Variants in ARAP2 observed in about 807,000 individuals in gnomAD.
ARAP2 encodes arf-GAP with Rho-GAP domain, ANK repeat and PH domain-containing protein 2.
A neutral mutation model predicts 194.5 loss-of-function variants in ARAP2; 148 were observed. The ratio of observed to expected loss-of-function variants is 0.76; its 90% CI spans 0.67 to 0.87. The LOEUF is 0.87. Ranked by LOEUF, ARAP2 falls within the 40% of genes least tolerant of loss-of-function variation. The probability of loss-of-function intolerance (pLI) is 0.00; values close to 1 mark genes in which losing one functional copy is unlikely to be tolerated. For synonymous variants in ARAP2, 695 were observed against 683.5 expected, an observed-to-expected ratio of 1.02 and a Z score of -0.26; for missense variants, 2,128 against 1,989.7, an observed-to-expected ratio of 1.07 and a Z score of -1.32.
At chr4:36,040,123 C>A (rs1720599160) in intron 5 of ARAP2, among the ~76,000 whole-genome samples, 1 of 152,126 alleles carries the variant, frequency 6.6e-6, no homozygotes, top group Non-Finnish European at 1.5e-5. Flanking sequence ...TTAAAATGGT[C>A]ATTTTTAGCA....
chr4:36,166,235 C>T (rs2109803627), intron 10 of ARAP2, among the ~76,000 whole-genome samples: 1 of 152,160 alleles, frequency 6.6e-6, no homozygotes, highest in Non-Finnish European at 1.5e-5. Flanking sequence ...CTGACTTGCC[C>T]ACTACCACGT....
At chr4:36,221,650 T>C (rs945233083) in intron 2 of ARAP2, among the ~76,000 whole-genome samples, 3 of 152,186 alleles carry the variant, frequency 2.0e-5, no homozygotes, top group African/African-American at 7.2e-5. Flanking sequence ...GATTTCCTCA[T>C]GTAATATCTA....
chr4:36,060,332 C>A (rs1207619462), intron 1 of ARAP2, among the ~76,000 whole-genome samples: 1 of 152,150 alleles, frequency 6.6e-6, no homozygotes. Flanking sequence ...CAGACCCCAA[C>A]AGTCATTTTG....
chr4:36,130,275 C>G (rs1483538849), intron 20 of ARAP2, among the ~76,000 whole-genome samples: 2 of 151,978 alleles, frequency 1.3e-5, no homozygotes. Context: ...GAATGCTGCC[C>G]TCCTGCTGCC....
chr4:36,029,067 T>C (rs1314730308), intron 5 of ARAP2, among the ~76,000 whole-genome samples: 2 of 152,026 alleles, frequency 1.3e-5, no homozygotes, highest in South Asian at 2.1e-4. Flanking sequence ...CTGTATTATA[T>C]GCATGTAAAA....
intron 16 of ARAP2, 33 bp downstream of exon 16, chr4:36,150,867 T>G: frequency 6.3e-7 from 1 of 1,590,476 alleles, no homozygotes. Context: ...TGAAAATACC[T>G]TTTACCTCCT....
chr4:36,176,868 T>TTTTTC (rs1052868352), intron 9 of ARAP2, among the ~76,000 whole-genome samples: 3 of 152,072 alleles, frequency 2.0e-5, no homozygotes, highest in Non-Finnish European at 4.4e-5. Context: ...GATATTCCTA[T>TTTTTC]TTTTCTTATA....
intron 17 of ARAP2, among the ~76,000 whole-genome samples, chr4:36,148,049 A>C (rs1254828426): frequency 6.6e-6 from 1 of 152,072 alleles, no homozygotes; most frequent in Non-Finnish European, 1.5e-5. Flanking sequence ...ATTTTTCTCC[A>C]TTTATATATT....
intron 9 of ARAP2, among the ~76,000 whole-genome samples, chr4:36,174,892 G>A (rs1343136041): frequency 6.6e-6 from 1 of 152,132 alleles, no homozygotes; most frequent in African/African-American, 2.4e-5. Context: ...TTCAACATTT[G>A]CTGTAATAGC....
At chr4:36,214,599 A>T (rs1387647327) in intron 2 of ARAP2, 119 bp from the exon 3 acceptor site, 13 of 595,884 alleles carry the variant, frequency 2.2e-5, no homozygotes, top group Non-Finnish European at 3.1e-5. Context: ...TAAGTGAAGG[A>T]TTTATTAGAG....
chr4:36,218,857 C>T (rs1222375375), intron 2 of ARAP2, among the ~76,000 whole-genome samples: 1 of 152,030 alleles, frequency 6.6e-6, no homozygotes, highest in Non-Finnish European at 1.5e-5. Flanking sequence ...GAATAAATAA[C>T]ACTTAAGAAA....
chr4:36,014,316 A>AAGAGAGAGAG (rs879800341), intron 8 of ARAP2, among the ~76,000 whole-genome samples: 1 of 106,416 alleles, frequency 9.4e-6, no homozygotes, highest in African/African-American at 4.1e-5. Flanking sequence ...GAAGGAAAGA[A>AAGAGAGAGAG]AGAAAGAGAG....
chr4:36,089,252 T>G (rs1712846102), intron 28 of ARAP2, among the ~76,000 whole-genome samples: 1 of 152,168 alleles, frequency 6.6e-6, no homozygotes, highest in Non-Finnish European at 1.5e-5. Flanking sequence ...CAAGTTTCTT[T>G]GGTTTCAAAG....
rs1330845064 is a variant in ARAP2 at position 36,067,537 on chromosome 4, A to G, written c.*370T>C. The G allele has an allele frequency of 6.3e-6, 1 of 157,994 alleles. No homozygotes were observed. The highest frequency in any genetic ancestry group is 6.5e-5 in the Admixed American group (1 of 15,456). 9.8% of individuals were successfully genotyped at this position (157,994 alleles called of 1,614,324 possible). The stretch of plus-strand genomic sequence containing the variant: ...TCAAAGTGCAAAATATGTTACAGAT[A>G]GTTTCTTAGGCTTCATTTAAACACA... On this transcript the variant is annotated 3_prime_UTR_variant, in exon 33 of 33. Transcript: ENST00000303965.
In ARAP2 at chr4:36,158,810, T is replaced by G. The variant is rs145879243; in HGVS notation, c.2672A>C (p.Gln891Pro). 5.6e-4 allele frequency: 910 copies of G among 1,612,174 alleles called. 1 individual carries two copies. Among genetic ancestry groups the G allele is most frequent in the Non-Finnish European group, 6.7e-4 (794 of 1,179,268 alleles). The change falls in exon 15 of 33, where the codon CAG (glutamine) becomes CCG (proline). Residue 891 changes from glutamine (Q) to proline (P), a missense_variant. Physicochemically the swap from Gln to Pro is moderately conservative, Grantham distance 76 (BLOSUM62 -1). Transcript: ENST00000303965. ...SEGVLSQESSQSTFLCDFLYQ... is the reference protein window; with the variant it reads ...SEGVLSQESSPSTFLCDFLYQ... ...TAAAAAGTCACAGAGGAATGTGGACTGGGAAGACTCTTGACTTAATACACC... is the reference window on the plus strand; with the variant it reads ...TAAAAAGTCACAGAGGAATGTGGACGGGGAAGACTCTTGACTTAATACACC...
At chr4:36,154,702 A>G (rs1731823296) in intron 15 of ARAP2, among the ~76,000 whole-genome samples, 1 of 152,126 alleles carries the variant, frequency 6.6e-6, no homozygotes, top group Admixed American at 6.6e-5. Context: ...CTGAACTGAC[A>G]ATTTGAAGCC....
chr4:36,071,385 G>C (rs1031864949), intron 32 of ARAP2, among the ~76,000 whole-genome samples: 1 of 152,108 alleles, frequency 6.6e-6, no homozygotes, highest in African/African-American at 2.4e-5. Flanking sequence ...TCTAGTTTGT[G>C]CATTCTTCAG....
chr4:36,104,864 A>T (rs1717954116), intron 27 of ARAP2, among the ~76,000 whole-genome samples: 2 of 151,962 alleles, frequency 1.3e-5, no homozygotes, highest in South Asian at 4.1e-4. Context: ...CAATTAATGT[A>T]TTTGCTGATG....
At chr4:36,055,856 G>A (rs529598558) in intron 2 of ARAP2, among the ~76,000 whole-genome samples, 2 of 152,128 alleles carry the variant, frequency 1.3e-5, no homozygotes, top group African/African-American at 4.8e-5. Flanking sequence ...GAGCCACTGC[G>A]CCCAGCCAGT....
Sources: allele counts gnomAD v4.1 joint callset (sites outside exome capture counted in the v4.1 genomes callset), GRCh38; gene constraint gnomAD v4.1.1; transcripts MANE v1.5; gene names NCBI Gene and HGNC (gene_info 2026-07-23, HGNC 2026-07-21).